The following LAMA4 variants were observed in gnomAD, a reference collection of about 807,000 sequenced individuals.
LAMA4 encodes the protein laminin subunit alpha-4.
Under a neutral mutation model 207.1 loss-of-function variants are expected in LAMA4, and 127 were observed. The observed-to-expected ratio is 0.61, with a 90% CI of 0.53 to 0.71. LAMA4 has a LOEUF of 0.71. Ranked by LOEUF, LAMA4 falls within the 30% of genes least tolerant of loss-of-function variation. The probability of loss-of-function intolerance (pLI) is 0.00; values close to 1 mark genes in which losing one functional copy is unlikely to be tolerated. For synonymous variants in LAMA4, 761 were observed against 816.0 expected (o/e 0.93, Z 1.15); for missense variants, 2,093 against 2,246.5 (o/e 0.93, Z 1.38).
chr6:112,152,132 T>G (rs73536588), intron 16 of LAMA4, among the ~76,000 whole-genome samples: 6,952 of 152,174 alleles, frequency 0.046, 534 homozygotes, highest in African/African-American at 0.16. Context: ...TATCCTTATG[T>G]GATTCAAGTA....
At chr6:112,190,231 C>A (rs1383319641) in intron 6 of LAMA4, among the ~76,000 whole-genome samples, 1 of 152,186 alleles carries the variant, frequency 6.6e-6, no homozygotes, top group Non-Finnish European at 1.5e-5. Flanking sequence ...GGATGTCAAC[C>A]TTTCAGGCTT....
intron 22 of LAMA4, among the ~76,000 whole-genome samples, chr6:112,140,308 TC>T (rs1779613620): frequency 6.6e-6 from 1 of 152,142 alleles, no homozygotes; most frequent in South Asian, 2.1e-4. Context: ...CTTTCCTTTA[TC>T]CCCCTTCATC....
intron 3 of LAMA4, among the ~76,000 whole-genome samples, chr6:112,216,044 A>C (rs950681333): frequency 6.6e-6 from 1 of 152,246 alleles, no homozygotes; most frequent in Non-Finnish European, 1.5e-5. Flanking sequence ...ATACGATTAC[A>C]GAGGAATTTG....
chr6:112,239,239 T>C (rs1223040571), intron 2 of LAMA4, among the ~76,000 whole-genome samples: 1 of 146,492 alleles, frequency 6.8e-6, no homozygotes, highest in Non-Finnish European at 1.5e-5. Context: ...GAGAATAGCT[T>C]GAACCCAGAA....
At chr6:112,133,223 C>T (rs1021969636) in intron 27 of LAMA4, 126 bp downstream of exon 27, 2 of 1,014,088 alleles carry the variant, frequency 2.0e-6, no homozygotes, top group Admixed American at 1.7e-5. Flanking sequence ...GTTCTTCTTT[C>T]TGGTGGTGGC....
chr6:112,134,325 G>T, intron 26 of LAMA4, 142 bp downstream of exon 26: 2 of 751,188 alleles, frequency 2.7e-6, no homozygotes, highest in Non-Finnish European at 4.6e-6. Context: ...GGGCCTGAAG[G>T]TACATGAATG....
intron 38 of LAMA4, 97 bp downstream of exon 38, chr6:112,113,979 A>G: frequency 7.4e-7 from 1 of 1,351,394 alleles, no homozygotes; most frequent in Non-Finnish European, 1.1e-6. Flanking sequence ...TTGAGTAACT[A>G]GGTGCATCAT....
chr6:112,122,084 C>T lies in LAMA4; in HGVS notation c.4405G>A (p.Ala1469Thr), dbSNP rs727504595. 1.0e-4 allele frequency: 164 copies of T among 1,613,882 alleles called. 1 individual carries two copies. The highest frequency in any genetic ancestry group is 1.7e-4 in the Middle Eastern group (1 of 6,060). Residue 1469 changes from alanine (A) to threonine (T), a missense_variant, in exon 32 of 39, where the codon GCC becomes ACC. By Grantham distance (58) the Ala-to-Thr change is moderately conservative (BLOSUM62 0). Coordinates refer to ENST00000230538, the MANE Select transcript of LAMA4 (RefSeq NM_001105206.3). ...LSNSPRAIEH[A>T]YQYGGTANSR... ...TTGGCTGTTCCTCCATATTGATAGG[C>T]GTGCTCTATTGCTCTAGGGCTGTTG...
In LAMA4 at chr6:112,136,204, A is replaced by C; in HGVS notation, c.3333T>G (p.Tyr1111Ter). 1 of 1,612,638 alleles carries C rather than the reference A, an allele frequency of 6.2e-7. No homozygotes were observed. The highest frequency in any genetic ancestry group is 8.5e-7 in the Non-Finnish European group (1 of 1,178,746). The change falls in exon 25 of 39, where the codon TAT becomes TAG. Residue 1111 changes from tyrosine (Y) to a stop codon, truncating the protein, a stop_gained. Transcript: ENST00000230538. LOFTEE classifies it high-confidence loss of function. The stretch of plus-strand genomic sequence containing the variant: ...CAGGGCCACCGCTGAATCCAAAATC[A>C]TAGAACACATGTAGGTAACCATTGC... ...EMRNGYLHVF[Y>*]DFGFSGGPVH...
intron 24 of LAMA4, among the ~76,000 whole-genome samples, chr6:112,138,909 C>T (rs1779512525): frequency 6.6e-6 from 1 of 152,078 alleles, no homozygotes; most frequent in African/African-American, 2.4e-5. Flanking sequence ...TTATTTATAT[C>T]CAAAAATGTA....
chr6:112,235,724 T>C (rs1456272319), intron 2 of LAMA4, among the ~76,000 whole-genome samples: 1 of 152,202 alleles, frequency 6.6e-6, no homozygotes, highest in Non-Finnish European at 1.5e-5. Flanking sequence ...TTTGTTTATT[T>C]TTATGTGACC....
chr6:112,128,486 T>TA (rs1160687556), intron 31 of LAMA4, among the ~76,000 whole-genome samples: 1 of 152,142 alleles, frequency 6.6e-6, no homozygotes, highest in Non-Finnish European at 1.5e-5. Flanking sequence ...TACAGCTAGA[T>TA]AGGAGGAAAT....
chr6:112,115,071 T>C (rs1396284732), intron 36 of LAMA4, among the ~76,000 whole-genome samples: 1 of 152,200 alleles, frequency 6.6e-6, no homozygotes, highest in Non-Finnish European at 1.5e-5. Flanking sequence ...GTGAAGAACA[T>C]GGACTTTGAA....
rs12110554 is a variant in LAMA4, at chr6:112,120,302, T to A, written c.4646A>T (p.Asn1549Ile). The change falls in exon 33 of 39, where the codon AAT becomes ATT. Residue 1549 changes from asparagine to isoleucine, a missense_variant. This residue lies in a region of LAMA4 where 383 missense variants were observed against 437.8 expected (regional missense o/e 0.87). Coordinates refer to ENST00000230538, the MANE Select transcript of LAMA4 (RefSeq NM_001105206.3). ...ACTTACATCATGCCACAGGCCATCA[T>A]TGTATTTCTCCTGGCTTCTAATCTT... ...KLKIRSQEKY[N>I]DGLWHDVIFI... 24 of 1,613,778 alleles carry A rather than the reference T, an allele frequency of 1.5e-5. No homozygotes were observed. Among genetic ancestry groups the A allele is most frequent in the African/African-American group, 2.7e-5 (2 of 74,928 alleles).
Position 112,114,752 on chromosome 6 carries a change from A to G in LAMA4, c.5117T>C (p.Ile1706Thr), listed in dbSNP as rs1318946132. 8.1e-6 allele frequency: 13 copies of G among 1,601,050 alleles called. No homozygotes were observed. Among genetic ancestry groups the G allele is most frequent in the Middle Eastern group, 1.7e-4 (1 of 6,056 alleles). ...TCTGATGCCATTATTGACTTTCACT[A>G]TGACCTGCAAAAGATAGGACACATT... is the stretch of plus-strand genomic sequence containing the variant. ...LNVHMKNGQV[I>T]VKVNNGIRDF... Residue 1706 changes from isoleucine to threonine, a missense_variant, in exon 37 of 39, where the codon ATA (isoleucine) becomes ACA (threonine). This residue lies in a region of LAMA4 where 383 missense variants were observed against 437.8 expected (regional missense o/e 0.87). Coordinates refer to ENST00000230538, the MANE Select transcript of LAMA4 (RefSeq NM_001105206.3).
chr6:112,142,664 A>G (rs1554333629), intron 19 of LAMA4, among the ~76,000 whole-genome samples: 1 of 152,142 alleles, frequency 6.6e-6, no homozygotes, highest in East Asian at 1.9e-4. Flanking sequence ...GAGAAGTAGA[A>G]CTAATTTTGG....
At position 112,250,781 on chromosome 6, in the gene LAMA4, T is replaced by C. The variant is rs72950300; in HGVS notation, c.195+3175A>G. Reference sequence around the variant, plus strand: ...TTGTTTAGTTCCTACTTCTTTTTGATGGACAAGAATCTCATTCTTCCTAAG... The same window carrying C: ...TTGTTTAGTTCCTACTTCTTTTTGACGGACAAGAATCTCATTCTTCCTAAG... On this transcript the variant is annotated intron_variant, in intron 2 of 38. Transcript: ENST00000230538. Among the ~76,000 whole-genome samples, 288 of 152,286 alleles carry C rather than the reference T, an allele frequency of 1.9e-3. 2 individuals carry two copies. Among genetic ancestry groups the C allele is most frequent in the Non-Finnish European group, 2.2e-3 (153 of 68,024 alleles).
In LAMA4 at chr6:112,187,259, G is replaced by A. The variant is rs1317218824; in HGVS notation, c.966+191C>T. 6.8e-6 allele frequency: 5 copies of A among 731,338 alleles called. No homozygotes were observed. The Admixed American group carries it at 1.0e-4, about 15-fold the overall frequency. 45.3% of individuals were successfully genotyped at this position (731,338 alleles called of 1,614,324 possible). A position where few individuals can be genotyped will look rare whatever the true frequency, so the allele number is the denominator to read the frequency against. The stretch of plus-strand genomic sequence containing the variant: ...GACAGTAGTTCTTGTTTTGGCCCAA[G>A]CTCATAGTTACAATCAACTTTTCAT... On this transcript the variant is annotated intron_variant, in intron 8 of 38. Transcript: ENST00000230538.
chr6:112,170,070 G>C (rs1259456652), intron 12 of LAMA4, among the ~76,000 whole-genome samples: 1 of 152,208 alleles, frequency 6.6e-6, no homozygotes, highest in Non-Finnish European at 1.5e-5. Context: ...TAAATCAGAA[G>C]AGAATGGAAC....
Sources: allele counts gnomAD v4.1 joint callset (sites outside exome capture counted in the v4.1 genomes callset), GRCh38; gene constraint gnomAD v4.1.1; regional missense constraint gnomAD v4.1.1; transcripts MANE v1.5; gene names NCBI Gene and HGNC (gene_info 2026-07-23, HGNC 2026-07-21).